SGCD: variants seen among roughly 807,000 people sequenced by gnomAD.
SGCD encodes sarcoglycan delta.
A neutral mutation model predicts 36.6 loss-of-function variants in SGCD; 18 were observed. The ratio of observed to expected loss-of-function variants is 0.49; its 90% CI spans 0.34 to 0.73. The LOEUF is 0.73. SGCD is among the 30% of genes least tolerant of loss of function. The pLI is 0.01. For missense variants in SGCD, 387 were observed against 346.7 expected, an observed-to-expected ratio of 1.12 and a Z score of -0.92; for synonymous variants, 133 against 130.6, an observed-to-expected ratio of 1.02 and a Z score of -0.12.
chr5:156,460,225 A>G (rs752107482), intron 3 of SGCD, among the ~76,000 whole-genome samples: 2 of 152,308 alleles, frequency 1.3e-5, no homozygotes, highest in Non-Finnish European at 2.9e-5. Flanking sequence ...ATAAAGCCAG[A>G]GAGGACAGTG....
intron 7 of SGCD, among the ~76,000 whole-genome samples, chr5:156,749,356 T>C (rs1463539498): frequency 6.6e-6 from 1 of 152,094 alleles, no homozygotes; most frequent in East Asian, 1.9e-4. Context: ...AGGCAAAAAT[T>C]AACAAAACAG....
At chr5:156,020,640 A>G (rs1759077434) in intron 1 of SGCD, among the ~76,000 whole-genome samples, 1 of 152,218 alleles carries the variant, frequency 6.6e-6, no homozygotes, top group Admixed American at 6.5e-5. Context: ...CTTGAATTAT[A>G]GGTATTTATA....
chr5:156,510,075 T>A (rs1353883491), intron 4 of SGCD, among the ~76,000 whole-genome samples: 1 of 152,240 alleles, frequency 6.6e-6, no homozygotes, highest in Admixed American at 6.5e-5. Flanking sequence ...TGAATTGTAT[T>A]AAACTGGTAC....
intron 1 of SGCD, among the ~76,000 whole-genome samples, chr5:156,094,936 G>T (rs779290716): frequency 6.6e-6 from 1 of 152,130 alleles, no homozygotes; most frequent in Non-Finnish European, 1.5e-5. Context: ...GGGAGGTGGA[G>T]GTTGCAGTGA....
At chr5:155,853,413 C>T in the SGCD span, among the ~76,000 whole-genome samples, 1 of 152,004 alleles carries the variant, frequency 6.6e-6, no homozygotes, top group Non-Finnish European at 1.5e-5. Context: ...AATGGCCTTA[C>T]TGAAAATGTG....
At chr5:156,132,659 G>A (rs1048670468) in intron 3 of SGCD, among the ~76,000 whole-genome samples, 3 of 150,864 alleles carry the variant, frequency 2.0e-5, no homozygotes, top group Non-Finnish European at 4.4e-5. Context: ...TAGTAGAGAC[G>A]GGGTTTCACC....
chr5:155,822,159 G>A, the SGCD span, among the ~76,000 whole-genome samples: 2 of 152,122 alleles, frequency 1.3e-5, no homozygotes, highest in African/African-American at 2.4e-5. Context: ...CAGGAACAGT[G>A]GATTTAGAAC....
intron 4 of SGCD, among the ~76,000 whole-genome samples, chr5:156,566,548 C>T (rs771367304): frequency 6.6e-6 from 1 of 152,014 alleles, no homozygotes; most frequent in African/African-American, 2.4e-5. Context: ...ATCTTTGTAC[C>T]CCTGGCATGA....
At chr5:156,686,667 T>G (rs1243691016) in intron 7 of SGCD, among the ~76,000 whole-genome samples, 1 of 152,232 alleles carries the variant, frequency 6.6e-6, no homozygotes, top group African/African-American at 2.4e-5. Flanking sequence ...AGCAGCTGAT[T>G]ATTAAATTTC....
chr5:156,579,199 A>C (rs1760130785), intron 4 of SGCD, among the ~76,000 whole-genome samples: 1 of 152,168 alleles, frequency 6.6e-6, no homozygotes, highest in Non-Finnish European at 1.5e-5. Flanking sequence ...CAGGTTGTTC[A>C]GTTTCCATGT....
At chr5:156,310,587 C>A (rs1430018866) in intron 3 of SGCD, among the ~76,000 whole-genome samples, 1 of 152,134 alleles carries the variant, frequency 6.6e-6, no homozygotes. Flanking sequence ...TTAGTAGACT[C>A]CAAAATAATT....
At chr5:156,700,926 G>T (rs537791656) in intron 7 of SGCD, among the ~76,000 whole-genome samples, 11 of 132,218 alleles carry the variant, frequency 8.3e-5, no homozygotes, top group Admixed American at 1.6e-4. Flanking sequence ...CTGGGCAATG[G>T]AGTGAGACCT....
chr5:156,071,885 T>C (rs1303639366), intron 1 of SGCD, among the ~76,000 whole-genome samples: 1 of 152,196 alleles, frequency 6.6e-6, no homozygotes, highest in Non-Finnish European at 1.5e-5. Context: ...CATTATGTAA[T>C]GGCCTTCTTT....
chr5:156,641,724 C>T (rs940318715), intron 6 of SGCD, among the ~76,000 whole-genome samples: 2 of 152,266 alleles, frequency 1.3e-5, no homozygotes, highest in Admixed American at 6.5e-5. Context: ...ATTTCATCTC[C>T]TCCCGTGGGC....
At chr5:156,206,953 G>T (rs1327488906) in intron 3 of SGCD, among the ~76,000 whole-genome samples, 2 of 151,968 alleles carry the variant, frequency 1.3e-5, no homozygotes, top group African/African-American at 4.8e-5. Context: ...TCAGGTGATT[G>T]AATGATAAGA....
intron 1 of SGCD, among the ~76,000 whole-genome samples, chr5:155,957,704 A>G (rs1757692726): frequency 6.6e-6 from 1 of 152,122 alleles, no homozygotes; most frequent in African/African-American, 2.4e-5. Context: ...CCTTGTGATT[A>G]CATTGGGCCC....
chr5:156,397,448 T>A (rs1771919371), intron 3 of SGCD, among the ~76,000 whole-genome samples: 1 of 152,236 alleles, frequency 6.6e-6, no homozygotes, highest in South Asian at 2.1e-4. Flanking sequence ...GCTCTGGCTA[T>A]ACTTTTTCCT....
intron 3 of SGCD, among the ~76,000 whole-genome samples, chr5:156,263,686 T>C (rs1338565743): frequency 6.6e-6 from 1 of 152,164 alleles, no homozygotes; most frequent in Non-Finnish European, 1.5e-5. Context: ...TCTAGAAGGA[T>C]TTTTCTCATG....
In SGCD at chr5:156,760,559, A is replaced by G. The variant is rs1252412313; in HGVS notation, c.*1169A>G. The G allele has an allele frequency of 6.6e-6, 1 of 152,592 alleles. No homozygotes were observed. The highest frequency in any genetic ancestry group is 1.5e-5 in the Non-Finnish European group (1 of 68,030). The allele number at this position is 152,592 out of a possible 1,614,324, so 9.5% of individuals were successfully genotyped here. A position where few individuals can be genotyped will look rare whatever the true frequency, so the allele number is the denominator to read the frequency against. ...TTTTCTCTAAGAAGCACTACATGCC[A>G]CCAGAATTGTGCACTGAAAGATAAT... is the stretch of plus-strand genomic sequence containing the variant. On this transcript the variant is annotated 3_prime_UTR_variant, in exon 9 of 9. Transcript: ENST00000337851.
Sources: allele counts gnomAD v4.1 joint callset (sites outside exome capture counted in the v4.1 genomes callset), GRCh38; gene constraint gnomAD v4.1.1; transcripts MANE v1.5; gene names NCBI Gene and HGNC (gene_info 2026-07-23, HGNC 2026-07-21).